Variants in HS2ST1 observed in about 807,000 individuals in gnomAD.
HS2ST1 encodes 2-O-sulfotransferase.
HS2ST1 carries 18 observed loss-of-function variants against 42.9 expected under a neutral mutation model. That is an observed-to-expected ratio of 0.42 (90% CI 0.29 to 0.62). The LOEUF is 0.62. HS2ST1 is among the 20% of genes least tolerant of loss of function. The probability of loss-of-function intolerance (pLI) is 0.21; values close to 1 mark genes in which losing one functional copy is unlikely to be tolerated. For missense variants in HS2ST1, 334 were observed against 433.8 expected, an observed-to-expected ratio of 0.77 and a Z score of 2.04; for synonymous variants, 146 against 152.9, an observed-to-expected ratio of 0.95 and a Z score of 0.33.
intron 1 of HS2ST1, among the ~76,000 whole-genome samples, chr1:86,936,955 A>AG (rs1384130055): frequency 6.7e-6 from 1 of 150,004 alleles, no homozygotes; most frequent in Admixed American, 6.6e-5. Context: ...AAAAAAAAAA[A>AG]TTAGCCGGGC....
intron 1 of HS2ST1, among the ~76,000 whole-genome samples, chr1:87,040,806 T>G (rs1194245219): frequency 6.6e-6 from 1 of 152,110 alleles, no homozygotes; most frequent in African/African-American, 2.4e-5. Flanking sequence ...AAAAAGCCAG[T>G]AGGCATGTTC....
Position 87,030,664 on chromosome 1 carries a change from A to T in HS2ST1, c.125-42270A>T, listed in dbSNP as rs183014464. 1.5e-3 allele frequency among the ~76,000 whole-genome samples: 230 copies of T among 152,342 alleles called. 1 individual carries two copies. The highest frequency in any genetic ancestry group is 5.3e-3 in the African/African-American group (219 of 41,580). The stretch of plus-strand genomic sequence containing the variant: ...CTAAGTAACAAAGAAATTTATTTGT[A>T]TATTGTGATATGATTAATCCTTCAG... On this transcript the variant is annotated intron_variant, in intron 1 of 6. Coordinates refer to ENST00000370550, the MANE Select transcript of HS2ST1 (RefSeq NM_012262.4).
At chr1:87,101,402 G>A (rs190849134) in intron 5 of HS2ST1, among the ~76,000 whole-genome samples, 157 of 151,972 alleles carry the variant, frequency 1.0e-3, no homozygotes, top group Admixed American at 4.0e-3. Flanking sequence ...CAGACCTCAG[G>A]TAATCCGCCT....
At chr1:86,984,039 C>CAAA (rs36109552) in intron 1 of HS2ST1, among the ~76,000 whole-genome samples, 1 of 145,020 alleles carries the variant, frequency 6.9e-6, no homozygotes, top group Non-Finnish European at 1.5e-5. Context: ...GGCTCCATCT[C>CAAA]AAAAAAAAAA....
chr1:87,012,898 C>T (rs1034647639), intron 1 of HS2ST1, among the ~76,000 whole-genome samples: 1 of 152,226 alleles, frequency 6.6e-6, no homozygotes, highest in African/African-American at 2.4e-5. Context: ...AATCTTAAAG[C>T]TCCAAAATGA....
At chr1:87,096,943 G>T (rs909916649) in intron 4 of HS2ST1, among the ~76,000 whole-genome samples, 1 of 152,186 alleles carries the variant, frequency 6.6e-6, no homozygotes, top group Admixed American at 6.5e-5. Flanking sequence ...TGGCACAAAT[G>T]ATAATAAAAC....
At chr1:86,945,586 GA>G (rs1647307829) in intron 1 of HS2ST1, among the ~76,000 whole-genome samples, 1 of 152,024 alleles carries the variant, frequency 6.6e-6, no homozygotes, top group Admixed American at 6.5e-5. Flanking sequence ...GCTTTGCAGT[GA>G]TCTCTAGATT....
rs181252349 is a variant in HS2ST1 at position 86,992,312 on chromosome 1, C to T, written c.124+77152C>T. 1.7e-3 allele frequency among the ~76,000 whole-genome samples: 263 copies of T among 151,818 alleles called. 2 individuals carry two copies. The highest frequency in any genetic ancestry group is 6.1e-3 in the African/African-American group (251 of 41,396). The stretch of plus-strand genomic sequence containing the variant: ...ACATTCTCATCTTGAATAACTCATG[C>T]GCTGAAAATTTGGGTTACTTGGAGT... On this transcript the variant is annotated intron_variant, in intron 1 of 6. Coordinates refer to ENST00000370550, the MANE Select transcript of HS2ST1 (RefSeq NM_012262.4).
chr1:87,046,016 G>C, intron 1 of HS2ST1: 1 of 687,622 alleles, frequency 1.5e-6, no homozygotes, highest in South Asian at 1.4e-5. Context: ...AGGTTGCCAG[G>C]GAAAGTGCAC....
chr1:87,099,620 ACCAAAT>A (rs1652152343), intron 5 of HS2ST1, among the ~76,000 whole-genome samples: 1 of 152,160 alleles, frequency 6.6e-6, no homozygotes, highest in Admixed American at 6.5e-5. Flanking sequence ...CCCCTGGCTC[ACCAAAT>A]CTCATGTCTT....
At chr1:87,092,870 T>A (rs1236402628) in intron 4 of HS2ST1, among the ~76,000 whole-genome samples, 1 of 152,054 alleles carries the variant, frequency 6.6e-6, no homozygotes, top group Non-Finnish European at 1.5e-5. Flanking sequence ...TTGTGATTTT[T>A]AAAAATATTT....
chr1:87,063,798 T>G (rs117149832), intron 1 of HS2ST1, among the ~76,000 whole-genome samples: 216 of 152,340 alleles, frequency 1.4e-3, no homozygotes, highest in Middle Eastern at 0.01. Context: ...TATTTTGGTG[T>G]TGGTCATTTC....
chr1:87,051,982 A>G (rs1238256543), intron 1 of HS2ST1, among the ~76,000 whole-genome samples: 2 of 152,216 alleles, frequency 1.3e-5, no homozygotes, highest in Non-Finnish European at 2.9e-5. Context: ...GCCAGGTGCA[A>G]TGGTTTACAC....
intron 1 of HS2ST1, among the ~76,000 whole-genome samples, chr1:86,969,941 C>T (rs981887018): frequency 6.6e-6 from 1 of 151,966 alleles, no homozygotes; most frequent in Non-Finnish European, 1.5e-5. Context: ...GCCTGACCAA[C>T]GTGGAGAAAC....
At chr1:86,955,759 C>T (rs778100209) in intron 1 of HS2ST1, among the ~76,000 whole-genome samples, 9 of 152,146 alleles carry the variant, frequency 5.9e-5, no homozygotes, top group African/African-American at 1.9e-4. Flanking sequence ...CCAAGGTGGG[C>T]GGATTGCCTG....
At chr1:86,948,891 A>G (rs1020466731) in intron 1 of HS2ST1, among the ~76,000 whole-genome samples, 1 of 152,202 alleles carries the variant, frequency 6.6e-6, no homozygotes, top group Non-Finnish European at 1.5e-5. Flanking sequence ...TTCATTATGA[A>G]AAATTTCTTA....
At chr1:86,947,055 G>T (rs1247132744) in intron 1 of HS2ST1, among the ~76,000 whole-genome samples, 1 of 152,164 alleles carries the variant, frequency 6.6e-6, no homozygotes, top group Admixed American at 6.5e-5. Context: ...AGTTTCCTGA[G>T]CTCTAGCTAC....
At chr1:87,095,945 T>G (rs1429875198) in intron 4 of HS2ST1, among the ~76,000 whole-genome samples, 1 of 151,786 alleles carries the variant, frequency 6.6e-6, no homozygotes, top group Non-Finnish European at 1.5e-5. Context: ...ATCATCTGGC[T>G]TACTATAGAC....
intron 1 of HS2ST1, among the ~76,000 whole-genome samples, chr1:86,973,105 T>C (rs1199526891): frequency 1.3e-5 from 2 of 152,218 alleles, no homozygotes; most frequent in African/African-American, 2.4e-5. Context: ...ACTGTAAAGC[T>C]ATCTTTCCAT....
Sources: gnomAD v4.1 joint callset for allele counts (sites outside exome capture counted in the v4.1 genomes callset) on GRCh38, gnomAD v4.1.1 for gene constraint, MANE v1.5 for transcripts, NCBI Gene and HGNC (gene_info 2026-07-23, HGNC 2026-07-21) for gene names.